RALGAPA2: variants seen among roughly 807,000 people sequenced by gnomAD.
RALGAPA2 encodes Ral GTPase activating protein catalytic subunit alpha 2.
In RALGAPA2, 139 loss-of-function variants were observed where a neutral mutation model predicts 230.4. The ratio of observed to expected loss-of-function variants is 0.60; its 90% CI spans 0.53 to 0.69. RALGAPA2 has a LOEUF of 0.69. RALGAPA2 is among the 30% of genes least tolerant of loss of function. The pLI, the probability that RALGAPA2 is intolerant of heterozygous loss-of-function variation, is 0.00. For synonymous variants in RALGAPA2, 847 were observed against 837.8 expected (o/e 1.01, Z -0.19); for missense variants, 2,163 against 2,276.0 (o/e 0.95, Z 1.01).
chr20:20,399,530 G>A (rs949790132), intron 38 of RALGAPA2, among the ~76,000 whole-genome samples: 5 of 152,176 alleles, frequency 3.3e-5, no homozygotes, highest in African/African-American at 1.2e-4. Context: ...AGGCCAAACT[G>A]TGGCCAACTG....
At chr20:20,449,311 T>A (rs2060935110) in intron 37 of RALGAPA2, among the ~76,000 whole-genome samples, 1 of 151,970 alleles carries the variant, frequency 6.6e-6, no homozygotes, top group Non-Finnish European at 1.5e-5. Context: ...TCCCAGACCA[T>A]CCCCAGGGTT....
intron 37 of RALGAPA2, among the ~76,000 whole-genome samples, chr20:20,426,258 A>T (rs147089484): frequency 2.0e-4 from 31 of 152,340 alleles, no homozygotes; most frequent in Middle Eastern, 6.8e-3. Flanking sequence ...TGACTTACAT[A>T]GTGTGGTTTG....
chr20:20,524,593 A>G, intron 29 of RALGAPA2, 50 bp from the exon 30 acceptor site: 1 of 1,603,480 alleles, frequency 6.2e-7, no homozygotes, highest in Non-Finnish European at 8.5e-7. Context: ...CTTAAACCTC[A>G]CTACATGTAA....
intron 36 of RALGAPA2, 120 bp downstream of exon 36, chr20:20,494,997 A>G (rs1180395149): frequency 4.5e-6 from 4 of 887,624 alleles, no homozygotes; most frequent in Admixed American, 5.1e-5. Context: ...AGATATATGT[A>G]AGACATTCAA....
At chr20:20,571,061 A>G (rs1390519935) in intron 23 of RALGAPA2, among the ~76,000 whole-genome samples, 1 of 152,254 alleles carries the variant, frequency 6.6e-6, no homozygotes, top group Non-Finnish European at 1.5e-5. Flanking sequence ...TCTTTCACAA[A>G]AACATCCTAA....
chr20:20,395,494 A>G (rs1192630070), intron 39 of RALGAPA2, among the ~76,000 whole-genome samples: 1 of 152,220 alleles, frequency 6.6e-6, no homozygotes, highest in African/African-American at 2.4e-5. Context: ...GAGGACATGC[A>G]TGGAGACGGG....
chr20:20,489,929 C>T (rs995190175), intron 36 of RALGAPA2, among the ~76,000 whole-genome samples: 25 of 152,140 alleles, frequency 1.6e-4, no homozygotes, highest in African/African-American at 5.8e-4. Context: ...CTGGCTCTGG[C>T]TGGCCAAAGG....
At chr20:20,415,082 C>T (rs778293125) in intron 37 of RALGAPA2, among the ~76,000 whole-genome samples, 10 of 152,248 alleles carry the variant, frequency 6.6e-5, no homozygotes, top group Non-Finnish European at 1.2e-4. Flanking sequence ...CCATAAAAAA[C>T]ACAGCGCTGG....
intron 24 of RALGAPA2, among the ~76,000 whole-genome samples, chr20:20,542,268 A>G (rs985414642): frequency 6.6e-6 from 1 of 152,258 alleles, no homozygotes. Flanking sequence ...GAGGACACAA[A>G]CAAATGGAAA....
intron 27 of RALGAPA2, among the ~76,000 whole-genome samples, chr20:20,528,962 T>C (rs535331982): frequency 3.3e-5 from 5 of 152,132 alleles, no homozygotes; most frequent in Admixed American, 6.5e-5. Flanking sequence ...CCTGTTCTCA[T>C]AGTGGTGGTT....
chr20:20,485,608 C>T (rs1195463606), intron 36 of RALGAPA2, among the ~76,000 whole-genome samples: 1 of 152,108 alleles, frequency 6.6e-6, no homozygotes, highest in African/African-American at 2.4e-5. Context: ...CTTTTAAAAA[C>T]ATTTTATTGG....
rs963484988 is a variant in RALGAPA2, at chr20:20,594,656, A to T, written c.2204-3342T>A. Among the ~76,000 whole-genome samples the T allele has an allele frequency of 3.3e-5, 5 of 152,054 alleles. No homozygotes were observed. The East Asian group carries it at 9.7e-4, about 29-fold the overall frequency. On this transcript the variant is annotated intron_variant, in intron 16 of 39. Coordinates refer to ENST00000202677, the MANE Select transcript of RALGAPA2 (RefSeq NM_020343.4). ...AGCCTAGTTAGTTCCAACTACCCAG[A>T]TTTTAAAAGCACTAACTTTCTCGTC...
At chr20:20,658,450 A>C (rs1168117697) in intron 3 of RALGAPA2, among the ~76,000 whole-genome samples, 1 of 152,224 alleles carries the variant, frequency 6.6e-6, no homozygotes, top group Non-Finnish European at 1.5e-5. Flanking sequence ...TCTAAGCTAT[A>C]CTGCTGTGAA....
Position 20,389,874 on chromosome 20 carries a change from G to A in RALGAPA2, c.*3415C>T, listed in dbSNP as rs1311362923. 3.3e-5 allele frequency: 5 copies of A among 151,768 alleles called. No homozygotes were observed. The highest frequency in any genetic ancestry group is 2.1e-4 in the South Asian group (1 of 4,796). 9.4% of individuals were successfully genotyped at this position (151,768 alleles called of 1,614,324 possible). Reference sequence around the variant, plus strand: ...CAGCAAAATAAGAATCAAATGACACGCTATAACTTAATTTACCATATTTAT... The same window carrying A: ...CAGCAAAATAAGAATCAAATGACACACTATAACTTAATTTACCATATTTAT... On this transcript the variant is annotated 3_prime_UTR_variant, in exon 40 of 40. Coordinates refer to ENST00000202677, the MANE Select transcript of RALGAPA2 (RefSeq NM_020343.4).
intron 26 of RALGAPA2, among the ~76,000 whole-genome samples, chr20:20,534,286 T>C (rs931221131): frequency 1.3e-5 from 2 of 151,622 alleles, no homozygotes; most frequent in African/African-American, 4.9e-5. Context: ...CTACTAAAAA[T>C]ACAAAAAAAT....
intron 34 of RALGAPA2, chr20:20,504,818 AT>A (rs545146985): frequency 2.3e-3 from 462 of 197,632 alleles, no homozygotes; most frequent in Non-Finnish European, 3.7e-3. Context: ...GATTCTAGGA[AT>A]TTTTTTTTTA....
intron 1 of RALGAPA2, among the ~76,000 whole-genome samples, chr20:20,681,470 C>G (rs990548504): frequency 6.6e-6 from 1 of 152,168 alleles, no homozygotes; most frequent in South Asian, 2.1e-4. Flanking sequence ...GAACTTAGCA[C>G]AGTGACAACT....
intron 1 of RALGAPA2, among the ~76,000 whole-genome samples, chr20:20,682,067 A>G (rs2068540063): frequency 6.6e-6 from 1 of 152,234 alleles, no homozygotes; most frequent in South Asian, 2.1e-4. Flanking sequence ...AATAATGCAG[A>G]TGATTCTGAA....
At chr20:20,430,018 T>A (rs981797230) in intron 37 of RALGAPA2, among the ~76,000 whole-genome samples, 2 of 152,210 alleles carry the variant, frequency 1.3e-5, no homozygotes, top group Admixed American at 1.3e-4. Flanking sequence ...AAGCCCTGAG[T>A]TCAGATGCAG....
Sources: allele counts gnomAD v4.1 joint callset (sites outside exome capture counted in the v4.1 genomes callset), GRCh38; gene constraint gnomAD v4.1.1; transcripts MANE v1.5; gene names NCBI Gene and HGNC (gene_info 2026-07-23, HGNC 2026-07-21).